TSNARE1: variants seen among roughly 807,000 people sequenced by gnomAD.
The protein encoded by TSNARE1 is t-SNARE domain containing 1, also known as t-SNARE domain-containing protein 1.
Under a neutral mutation model 62.0 loss-of-function variants are expected in TSNARE1, and 49 were observed. The ratio of observed to expected loss-of-function variants is 0.79; its 90% CI spans 0.63 to 1.00. The LOEUF is 1.00. TSNARE1 is among the 50% of genes least tolerant of loss of function. The probability of loss-of-function intolerance (pLI) is 0.00; values close to 1 mark genes in which losing one functional copy is unlikely to be tolerated. For missense variants in TSNARE1, 755 were observed against 700.1 expected, an observed-to-expected ratio of 1.08 and a Z score of -0.88; for synonymous variants, 328 against 294.4, an observed-to-expected ratio of 1.11 and a Z score of -1.17.
upstream of TSNARE1, chr8:142,403,998 C>G (rs943248021): frequency 3.9e-5 from 6 of 152,242 alleles, no homozygotes; most frequent in African/African-American, 1.4e-4. Context: ...CAGCCTGTTT[C>G]CCCAGAGGTG....
At chr8:142,397,951 G>A (rs953070843) in intron 1 of TSNARE1, among the ~76,000 whole-genome samples, 15 of 152,128 alleles carry the variant, frequency 9.9e-5, no homozygotes, top group African/African-American at 2.9e-4. Flanking sequence ...GCAAACCTCA[G>A]CCTGGGCCCC....
intron 11 of TSNARE1, among the ~76,000 whole-genome samples, chr8:142,279,609 C>T (rs1319933210): frequency 6.6e-6 from 1 of 152,212 alleles, no homozygotes; most frequent in African/African-American, 2.4e-5. Flanking sequence ...GCAGGGAGGA[C>T]CCTGAGCTGG....
intron 1 of TSNARE1, among the ~76,000 whole-genome samples, chr8:142,393,822 T>C (rs1369767170): frequency 4.6e-5 from 7 of 152,216 alleles, no homozygotes; most frequent in Non-Finnish European, 8.8e-5. Flanking sequence ...GGCTACGTGC[T>C]GGTGTGGCAT....
At chr8:142,368,146 AC>A (rs1835682654) in intron 1 of TSNARE1, among the ~76,000 whole-genome samples, 1 of 152,046 alleles carries the variant, frequency 6.6e-6, no homozygotes, top group Non-Finnish European at 1.5e-5. Context: ...AAAAAAAAGT[AC>A]CCTAAGCAAC....
In TSNARE1 at chr8:142,270,147, G is replaced by A. The variant is rs924028710; in HGVS notation, c.1446+4634C>T. 70 of 985,436 alleles carry A rather than the reference G, an allele frequency of 7.1e-5. No homozygotes were observed. The African/African-American group carries it at 8.9e-4, about 13-fold the overall frequency. The allele number at this position is 985,436 out of a possible 1,614,324, so 61.0% of individuals were successfully genotyped here. A position where few individuals can be genotyped will look rare whatever the true frequency, so the allele number is the denominator to read the frequency against. The stretch of plus-strand genomic sequence containing the variant: ...CCACCTCCCGCTCCTGCTCGCTCCC[G>A]ACGGCTGCCTAGGCTGGGGGGCTGC... On this transcript the variant is annotated intron_variant, in intron 12 of 13. Transcript: ENST00000524325.
intron 10 of TSNARE1, among the ~76,000 whole-genome samples, chr8:142,285,026 A>T (rs1430992821): frequency 6.6e-6 from 1 of 152,198 alleles, no homozygotes; most frequent in South Asian, 2.1e-4. Flanking sequence ...ATCCTAAAGA[A>T]GTGGGATAGA....
At chr8:142,294,731 G>C (rs537829278) in intron 10 of TSNARE1, among the ~76,000 whole-genome samples, 36 of 152,338 alleles carry the variant, frequency 2.4e-4, no homozygotes, top group African/African-American at 8.2e-4. Context: ...AGAGTCAGCA[G>C]ACAGCCCTAC....
chr8:142,263,144 G>C (rs1410561400), intron 12 of TSNARE1, among the ~76,000 whole-genome samples: 1 of 152,172 alleles, frequency 6.6e-6, no homozygotes, highest in Non-Finnish European at 1.5e-5. Flanking sequence ...AATGTTCGCT[G>C]TTGAGGTTTT....
At chr8:142,239,424 AAAGG>A in intron 12 of TSNARE1, among the ~76,000 whole-genome samples, 1 of 152,254 alleles carries the variant, frequency 6.6e-6, no homozygotes, top group Non-Finnish European at 1.5e-5. Context: ...TCAAGCGTTT[AAAGG>A]TCCATGCATT....
intron 12 of TSNARE1, among the ~76,000 whole-genome samples, chr8:142,243,912 G>A (rs1586831643): frequency 6.6e-6 from 1 of 152,186 alleles, no homozygotes; most frequent in East Asian, 1.9e-4. Flanking sequence ...AAGAAGCCGG[G>A]CATGGTGGCT....
chr8:142,236,121 C>T (rs1270959884), intron 12 of TSNARE1, among the ~76,000 whole-genome samples: 1 of 152,214 alleles, frequency 6.6e-6, no homozygotes, highest in Admixed American at 6.5e-5. Context: ...GCTTCAGTTT[C>T]CCCGGTCAGT....
intron 12 of TSNARE1, among the ~76,000 whole-genome samples, chr8:142,246,168 A>T (rs1817876186): frequency 6.6e-6 from 1 of 152,144 alleles, no homozygotes; most frequent in Non-Finnish European, 1.5e-5. Context: ...AAGGGCACCC[A>T]GGGCCTGTCC....
chr8:142,267,469 G>A (rs1004726932), intron 12 of TSNARE1, among the ~76,000 whole-genome samples: 4 of 152,182 alleles, frequency 2.6e-5, no homozygotes, highest in Admixed American at 2.6e-4. Context: ...CACTGCGTAG[G>A]GAAAGGGCAT....
chr8:142,320,839 T>C (rs914599266), intron 6 of TSNARE1, among the ~76,000 whole-genome samples: 2 of 152,202 alleles, frequency 1.3e-5, no homozygotes, highest in Non-Finnish European at 2.9e-5. Context: ...TCCACTCCTC[T>C]AGACTCCCAT....
chr8:142,330,861 C>T (rs374831449), intron 6 of TSNARE1, 40 bp downstream of exon 6: 59 of 1,608,538 alleles, frequency 3.7e-5, no homozygotes, highest in Non-Finnish European at 3.3e-5. Context: ...CCAATGTGCA[C>T]CACGCCCAGG....
intron 9 of TSNARE1, among the ~76,000 whole-genome samples, chr8:142,314,124 C>T (rs2131604626): frequency 6.6e-6 from 1 of 152,344 alleles, no homozygotes; most frequent in African/African-American, 2.4e-5. Flanking sequence ...TGGCTCTCAG[C>T]AGGAGAGCTG....
At chr8:142,238,284 C>A (rs986810120) in intron 12 of TSNARE1, among the ~76,000 whole-genome samples, 1 of 152,138 alleles carries the variant, frequency 6.6e-6, no homozygotes, top group Non-Finnish European at 1.5e-5. Flanking sequence ...GGGCTCCTAG[C>A]GGCTCACATC....
At chr8:142,305,494 C>T (rs748996552) in intron 9 of TSNARE1, among the ~76,000 whole-genome samples, 30 of 152,096 alleles carry the variant, frequency 2.0e-4, no homozygotes, top group Non-Finnish European at 4.3e-4. Flanking sequence ...GGCTGGGGTG[C>T]GGGCCAGAGG....
At chr8:142,222,539 C>T (rs201170344) in intron 13 of TSNARE1, among the ~76,000 whole-genome samples, 16,474 of 43,668 alleles carry the variant, frequency 0.38, 4,120 homozygotes, top group Non-Finnish European at 0.47. Flanking sequence ...CACTCACTCA[C>T]TCATTCACTC....
Sources: gnomAD v4.1 joint callset for allele counts (sites outside exome capture counted in the v4.1 genomes callset) on GRCh38, gnomAD v4.1.1 for gene constraint, MANE v1.5 for transcripts, NCBI Gene and HGNC (gene_info 2026-07-23, HGNC 2026-07-21) for gene names.